MSH3: variants seen among roughly 807,000 people sequenced by gnomAD.
MSH3 encodes the protein DNA mismatch repair protein Msh3.
MSH3 carries 106 observed loss-of-function variants against 123.3 expected under a neutral mutation model. That is an observed-to-expected ratio of 0.86 (90% CI 0.73 to 1.01). MSH3 has a LOEUF of 1.01. Ranked by LOEUF, MSH3 falls within the 50% of genes least tolerant of loss-of-function variation. MSH3 has a pLI of 0.00. For missense variants in MSH3, 1,459 were observed against 1,347.6 expected (o/e 1.08, Z -1.29); for synonymous variants, 515 against 481.4 (o/e 1.07, Z -0.91).
chr5:80,818,033 A>G (rs933291150), intron 20 of MSH3, among the ~76,000 whole-genome samples: 6 of 152,172 alleles, frequency 3.9e-5, no homozygotes, highest in Admixed American at 2.0e-4. Context: ...AACAATGGCC[A>G]ACGTGGTGAA....
intron 20 of MSH3, among the ~76,000 whole-genome samples, chr5:80,833,286 A>AT (rs1745450777): frequency 6.6e-6 from 1 of 151,950 alleles, no homozygotes; most frequent in South Asian, 2.1e-4. Context: ...TGGATTTTTC[A>AT]TTTTTTACTA....
At chr5:80,721,932 A>G (rs1478670476) in intron 8 of MSH3, among the ~76,000 whole-genome samples, 1 of 152,200 alleles carries the variant, frequency 6.6e-6, no homozygotes, top group African/African-American at 2.4e-5. Flanking sequence ...TATCTTTTAC[A>G]TATGTCTACC....
chr5:80,673,418 A>T (rs1218704405), intron 6 of MSH3, among the ~76,000 whole-genome samples: 1 of 152,164 alleles, frequency 6.6e-6, no homozygotes, highest in Non-Finnish European at 1.5e-5. Flanking sequence ...AGTCCCAGCT[A>T]CTTGGGTGGC....
rs199791286 is a variant in MSH3, at chr5:80,778,737, G to A, written c.2336G>A (p.Arg779His). 242 of 1,609,794 alleles carry A rather than the reference G, an allele frequency of 1.5e-4. No homozygotes were observed. The highest frequency in any genetic ancestry group is 1.3e-4 in the Non-Finnish European group (156 of 1,176,172). Residue 779 changes from arginine to histidine, a missense_variant, in exon 17 of 24, where the codon CGC becomes CAC. By Grantham distance (29) the Arg-to-His change is conservative. Transcript: ENST00000265081. ...TCTTCTAGCACAAAAGCTGTGAGCC[G>A]CTTTCACTCTCCTTTTATTGTAGAA... ...VKVGSTKAVS[R>H]FHSPFIVENY...
Position 80,809,116 on chromosome 5 carries a change from A to G in MSH3, c.2656-4468A>G, listed in dbSNP as rs530822088. ...TTATTTTTAAGAATTTATGATTTAT[A>G]AAAATTATAGCATTTATAGTTTCAA... On this transcript the variant is annotated intron_variant, in intron 19 of 23. Coordinates refer to ENST00000265081, the MANE Select transcript of MSH3 (RefSeq NM_002439.5). Among the ~76,000 whole-genome samples, 3 of 151,896 alleles carry G rather than the reference A, an allele frequency of 2.0e-5. No homozygotes were observed. The East Asian group carries it at 5.8e-4, about 29-fold the overall frequency.
At chr5:80,659,537 T>C (rs1749380234) in intron 2 of MSH3, among the ~76,000 whole-genome samples, 1 of 140,770 alleles carries the variant, frequency 7.1e-6, no homozygotes, top group Non-Finnish European at 1.6e-5. Flanking sequence ...GCAGTTACTG[T>C]AATGTTTTCA....
At chr5:80,704,173 G>A (rs1750671052) in intron 8 of MSH3, among the ~76,000 whole-genome samples, 1 of 152,180 alleles carries the variant, frequency 6.6e-6, no homozygotes, top group Non-Finnish European at 1.5e-5. Flanking sequence ...CCGTGACTGT[G>A]GGTCACTGAG....
In MSH3 at chr5:80,772,999, T is replaced by G. The variant is rs543093809; in HGVS notation, c.2254-2695T>G. Among the ~76,000 whole-genome samples the G allele has an allele frequency of 7.9e-5, 12 of 152,306 alleles. No individual in the cohort carries two copies. In the East Asian group the frequency reaches 2.3e-3, roughly 29 times the overall value. Reference sequence around the variant, plus strand: ...ATTGGCTCTGTGTATGGTAGCCCGCTGTAGTGATTGTGCTCCTAGAGTAGA... The same window carrying G: ...ATTGGCTCTGTGTATGGTAGCCCGCGGTAGTGATTGTGCTCCTAGAGTAGA... On this transcript the variant is annotated intron_variant, in intron 15 of 23. Coordinates refer to ENST00000265081, the MANE Select transcript of MSH3 (RefSeq NM_002439.5).
Position 80,768,076 on chromosome 5 carries a change from T to A in MSH3, c.2040T>A (p.Ser680Arg). ...TVILEIPELL[S>R]PVEHYLKILN... ...TTTTAGAAATTCCTGAACTCCTCAG[T>A]CCAGTGGAGCATTACTTAAAGATAC... The change falls in exon 14 of 24, where the codon AGT (serine) becomes AGA (arginine). Residue 680 changes from serine to arginine, a missense_variant. Physicochemically the swap from Ser to Arg is moderately radical, Grantham distance 110. Transcript: ENST00000265081. 1 of 1,613,716 alleles carries A rather than the reference T, an allele frequency of 6.2e-7. No individual in the cohort carries two copies. The highest frequency in any genetic ancestry group is 8.5e-7 in the Non-Finnish European group (1 of 1,179,746).
At chr5:80,696,533 G>T (rs1296231394) in intron 8 of MSH3, among the ~76,000 whole-genome samples, 1 of 152,064 alleles carries the variant, frequency 6.6e-6, no homozygotes, top group Non-Finnish European at 1.5e-5. Context: ...TCCAAGTCTG[G>T]GTTTTATGCT....
intron 10 of MSH3, among the ~76,000 whole-genome samples, chr5:80,733,238 A>AT (rs1295328774): frequency 6.6e-6 from 1 of 152,132 alleles, no homozygotes; most frequent in Non-Finnish European, 1.5e-5. Context: ...GAAAGAATAG[A>AT]TTTTTTTCAA....
chr5:80,787,593 T>A lies in MSH3; in HGVS notation c.2464T>A (p.Cys822Ser), dbSNP rs1744531800. The change falls in exon 18 of 24, where the codon TGT (cysteine) becomes AGT (serine). Residue 822 changes from cysteine (C) to serine (S), a missense_variant. Transcript: ENST00000265081. ...ATTCAGTGAACATTATCACTCCTTG[T>A]GTAAAGCAGTGCATCACCTAGCAAC... The part of the protein sequence containing the change: ...EKFSEHYHSL[C>S]KAVHHLATVD... 1 of 1,613,720 alleles carries A rather than the reference T, an allele frequency of 6.2e-7. No homozygotes were observed. Among genetic ancestry groups the A allele is most frequent in the Non-Finnish European group, 8.5e-7 (1 of 1,179,668 alleles).
At chr5:80,724,376 G>GTAATA (rs2067144) in intron 8 of MSH3, among the ~76,000 whole-genome samples, 109,881 of 151,216 alleles carry the variant, frequency 0.73, 40,055 homozygotes, top group African/African-American at 0.81. Context: ...TTATAATGTA[G>GTAATA]TAATATATAA....
At chr5:80,773,831 A>G (rs568557487) in intron 15 of MSH3, among the ~76,000 whole-genome samples, 1 of 152,272 alleles carries the variant, frequency 6.6e-6, no homozygotes, top group South Asian at 2.1e-4. Context: ...GCAGTGGCAC[A>G]ATCTCGGCTC....
Position 80,783,963 on chromosome 5 carries a change from A to G in MSH3, c.2436-3602A>G, listed in dbSNP as rs147762229. ...AGTGGCTCATGCCTGTAATCCCAGC[A>G]CTTTCGGAGACTGAGACAGGTGGAC... is the stretch of plus-strand genomic sequence containing the variant. On this transcript the variant is annotated intron_variant, in intron 17 of 23. Transcript: ENST00000265081. 6.3e-3 allele frequency among the ~76,000 whole-genome samples: 953 copies of G among 152,150 alleles called. 8 individuals are homozygous for G. Among genetic ancestry groups the G allele is most frequent in the African/African-American group, 0.022 (918 of 41,506 alleles).
In MSH3 at chr5:80,744,616, G is replaced by A. The variant is rs1257186325; in HGVS notation, c.1763+1G>A. The A allele has an allele frequency of 1.2e-6, 2 of 1,603,490 alleles. No individual in the cohort carries two copies. The highest frequency in any genetic ancestry group is 2.2e-5 in the East Asian group (1 of 44,790). On this transcript the variant is annotated splice_donor_variant, in intron 12 of 23. Transcript: ENST00000265081. LOFTEE classifies it high-confidence loss of function. Reference sequence around the variant, plus strand: ...TGACCCAGCCACTCCTTAAATTAAGGTAAAAGGAATTCTTTTTGGGGTGTT... The same window carrying A: ...TGACCCAGCCACTCCTTAAATTAAGATAAAAGGAATTCTTTTTGGGGTGTT...
Position 80,728,859 on chromosome 5 carries a change from A to T in MSH3, c.1462A>T (p.Ile488Phe). The change falls in exon 10 of 24, where the codon ATT becomes TTT. Residue 488 changes from isoleucine to phenylalanine, a missense_variant. Transcript: ENST00000265081. ...TATATTCTGTTTTCTAGGTTCTCAA[A>T]TTATTTCTGGCATTGTTAACTTAGA... ...KDTVDIKGSQ[I>F]ISGIVNLEKP... 6.3e-7 allele frequency: 1 copy of T among 1,582,056 alleles called. No individual in the cohort carries two copies. Among genetic ancestry groups the T allele is most frequent in the Non-Finnish European group, 8.7e-7 (1 of 1,151,706 alleles).
At chr5:80,769,356 T>G (rs1190206333) in intron 15 of MSH3, among the ~76,000 whole-genome samples, 1 of 152,036 alleles carries the variant, frequency 6.6e-6, no homozygotes, top group East Asian at 1.9e-4. Flanking sequence ...GATGATGAAA[T>G]GATACAAAGC....
chr5:80,862,863 A>G (rs1333976200), intron 21 of MSH3, among the ~76,000 whole-genome samples: 1 of 152,250 alleles, frequency 6.6e-6, no homozygotes, highest in Non-Finnish European at 1.5e-5. Context: ...ACAGAATACC[A>G]ACGAATAAAT....
Sources: gnomAD v4.1 joint callset for allele counts (sites outside exome capture counted in the v4.1 genomes callset) on GRCh38, gnomAD v4.1.1 for gene constraint, MANE v1.5 for transcripts, NCBI Gene and HGNC (gene_info 2026-07-23, HGNC 2026-07-21) for gene names.